The following LRBA variants were observed in gnomAD, a reference collection of about 807,000 sequenced individuals.
LRBA encodes the protein LPS responsive beige-like anchor protein.
A neutral mutation model predicts 330.0 loss-of-function variants in LRBA; 176 were observed. The observed-to-expected ratio is 0.53, with a 90% CI of 0.47 to 0.60. The LOEUF is 0.60. Among genes scored for constraint, LRBA ranks in the 20% least tolerant of loss-of-function variants. LRBA has a pLI of 0.00. For synonymous variants in LRBA, 1,230 were observed against 1,193.0 expected (o/e 1.03, Z -0.64); for missense variants, 3,259 against 3,444.8 (o/e 0.95, Z 1.35).
intron 37 of LRBA, among the ~76,000 whole-genome samples, chr4:150,602,964 C>A (rs1476420575): frequency 6.6e-6 from 1 of 152,124 alleles, no homozygotes; most frequent in African/African-American, 2.4e-5. Context: ...ACATTATATA[C>A]CTATACCTTT....
At chr4:150,943,867 C>T (rs568689885) in intron 2 of LRBA, among the ~76,000 whole-genome samples, 5 of 152,248 alleles carry the variant, frequency 3.3e-5, no homozygotes, top group South Asian at 2.1e-4. Flanking sequence ...GTGTGACTTA[C>T]GAAGTTAGGT....
Position 151,002,196 on chromosome 4 carries a change from C to CAAAAAAAAAAA in LRBA, c.216+12220_216+12230dup, listed in dbSNP as rs143587760. 5.1e-3 allele frequency among the ~76,000 whole-genome samples: 123 copies of CAAAAAAAAAAA among 24,310 alleles called. 1 individual carries two copies. Among genetic ancestry groups the CAAAAAAAAAAA allele is most frequent in the Non-Finnish European group, 7.2e-3 (100 of 13,902 alleles). The allele number at this position is 24,310 out of a possible 152,430, so 15.9% of individuals were successfully genotyped here. A position where few individuals can be genotyped will look rare whatever the true frequency, so the allele number is the denominator to read the frequency against. On this transcript the variant is annotated intron_variant, in intron 2 of 56. Coordinates refer to ENST00000651943, the MANE Select transcript of LRBA (RefSeq NM_001364905.1). ...TAACGACAGAGGAAACATAAAACAG[C>CAAAAAAAAAAA]AAAAAAAAAAAAAAAAAAAAAAAAA...
Position 150,302,611 on chromosome 4 carries a change from T to C in LRBA, c.8017+14A>G. 6.3e-7 allele frequency: 1 copy of C among 1,579,974 alleles called. No individual in the cohort carries two copies. Among genetic ancestry groups the C allele is most frequent in the Non-Finnish European group, 8.6e-7 (1 of 1,160,860 alleles). On this transcript the variant is annotated intron_variant, in intron 53 of 56. Coordinates refer to ENST00000651943, the MANE Select transcript of LRBA (RefSeq NM_001364905.1). ...TCCTTGTAAAAGTTTACTTAAAAAA[T>C]GAGTCATACTTACTGCCTGGGTTAT...
intron 28 of LRBA, among the ~76,000 whole-genome samples, chr4:150,841,421 T>C (rs990480836): frequency 3.9e-5 from 6 of 152,172 alleles, no homozygotes; most frequent in African/African-American, 1.2e-4. Context: ...TATTGAATAC[T>C]TACCGTAGGC....
At chr4:150,440,339 A>AATAGAAT (rs1209423548) in intron 44 of LRBA, among the ~76,000 whole-genome samples, 8 of 152,192 alleles carry the variant, frequency 5.3e-5, no homozygotes, top group African/African-American at 1.2e-4. Flanking sequence ...CTAACAAATA[A>AATAGAAT]ATAGAATTAT....
At chr4:150,484,249 T>C (rs896651912) in intron 42 of LRBA, among the ~76,000 whole-genome samples, 1 of 152,004 alleles carries the variant, frequency 6.6e-6, no homozygotes, top group Non-Finnish European at 1.5e-5. Context: ...TGTGTAGAAA[T>C]GGTATTATTT....
At chr4:150,397,164 C>T (rs571537657) in intron 47 of LRBA, among the ~76,000 whole-genome samples, 9 of 151,718 alleles carry the variant, frequency 5.9e-5, no homozygotes, top group South Asian at 2.1e-4. Context: ...TTCTTTTCTC[C>T]GAATTCTAAA....
chr4:150,578,863 AGC>A (rs1770865565), intron 40 of LRBA, among the ~76,000 whole-genome samples: 1 of 152,226 alleles, frequency 6.6e-6, no homozygotes, highest in Non-Finnish European at 1.5e-5. Context: ...AATGTCCTGC[AGC>A]TAGCCCAGCA....
intron 37 of LRBA, among the ~76,000 whole-genome samples, chr4:150,624,257 C>T (rs78630617): frequency 0.011 from 1,612 of 150,848 alleles, 29 homozygotes; most frequent in African/African-American, 0.037. Flanking sequence ...TATGAAAATG[C>T]AGTCATTCAC....
At chr4:150,379,553 C>CT (rs1389606016) in intron 47 of LRBA, among the ~76,000 whole-genome samples, 2 of 152,092 alleles carry the variant, frequency 1.3e-5, no homozygotes, top group Admixed American at 1.3e-4. Flanking sequence ...AGACAGGTCC[C>CT]TGATCTCAGC....
At chr4:150,926,822 C>T (rs566442383) in intron 4 of LRBA, among the ~76,000 whole-genome samples, 1 of 152,132 alleles carries the variant, frequency 6.6e-6, no homozygotes, top group Non-Finnish European at 1.5e-5. Flanking sequence ...CCTGTAATCC[C>T]AGCACTTTGG....
At chr4:150,296,596 A>C (rs1299333828) in intron 53 of LRBA, among the ~76,000 whole-genome samples, 1 of 152,216 alleles carries the variant, frequency 6.6e-6, no homozygotes, top group Non-Finnish European at 1.5e-5. Flanking sequence ...TGCTCTGTAA[A>C]GCGATATAAA....
chr4:150,334,544 A>G (rs1734385139), intron 48 of LRBA, among the ~76,000 whole-genome samples: 1 of 152,088 alleles, frequency 6.6e-6, no homozygotes, highest in Non-Finnish European at 1.5e-5. Context: ...TGTTATGTGC[A>G]TACATACATA....
chr4:150,326,828 C>G (rs1426824166), intron 48 of LRBA, among the ~76,000 whole-genome samples: 1 of 152,024 alleles, frequency 6.6e-6, no homozygotes, highest in African/African-American at 2.4e-5. Flanking sequence ...TCGACACTCC[C>G]GTAACAGTCA....
At chr4:150,376,778 C>T (rs1280872287) in intron 47 of LRBA, among the ~76,000 whole-genome samples, 2 of 151,936 alleles carry the variant, frequency 1.3e-5, no homozygotes, top group Non-Finnish European at 2.9e-5. Flanking sequence ...TAAAGATAAC[C>T]CCGGGTGTTT....
chr4:150,778,219 G>C (rs2126575179), intron 34 of LRBA, among the ~76,000 whole-genome samples: 1 of 152,160 alleles, frequency 6.6e-6, no homozygotes, highest in African/African-American at 2.4e-5. Flanking sequence ...TAGTAAAATA[G>C]AATACTGCCC....
intron 31 of LRBA, among the ~76,000 whole-genome samples, chr4:150,810,842 T>C (rs549302874): frequency 2.0e-5 from 3 of 152,336 alleles, no homozygotes; most frequent in African/African-American, 7.2e-5. Flanking sequence ...TCTCAAGCAA[T>C]CCTTTGGCCT....
chr4:150,810,152 T>G (rs1354563698), intron 31 of LRBA, among the ~76,000 whole-genome samples: 1 of 152,120 alleles, frequency 6.6e-6, no homozygotes, highest in Non-Finnish European at 1.5e-5. Flanking sequence ...CATGCTTGGT[T>G]TTTAGGCAGT....
intron 40 of LRBA, among the ~76,000 whole-genome samples, chr4:150,534,366 TAA>T (rs1561314822): frequency 6.7e-6 from 1 of 148,228 alleles, no homozygotes; most frequent in East Asian, 2.0e-4. Context: ...ATAATAATAA[TAA>T]TAATAATAAT....
Sources: allele counts gnomAD v4.1 joint callset (sites outside exome capture counted in the v4.1 genomes callset), GRCh38; gene constraint gnomAD v4.1.1; transcripts MANE v1.5; gene names NCBI Gene and HGNC (gene_info 2026-07-23, HGNC 2026-07-21).